Variants in SAMTOR observed in about 807,000 individuals in gnomAD.
The protein encoded by SAMTOR is UPF0532 protein C7orf60.
the SAMTOR span, among the ~76,000 whole-genome samples, chr7:112,833,147 G>A: frequency 9.9e-5 from 15 of 151,880 alleles, no homozygotes; most frequent in African/African-American, 3.6e-4. Flanking sequence ...AATTGAAGAT[G>A]AATGAATTCT....
chr7:112,926,790 C>T, the SAMTOR span, among the ~76,000 whole-genome samples: 2 of 152,086 alleles, frequency 1.3e-5, no homozygotes, highest in East Asian at 1.9e-4. Flanking sequence ...TGTGGAAATG[C>T]TATAAAAGAG....
the SAMTOR span, among the ~76,000 whole-genome samples, chr7:112,891,345 G>A: frequency 9.2e-5 from 14 of 152,094 alleles, no homozygotes; most frequent in Non-Finnish European, 1.5e-4. Context: ...ATTTTTAAAC[G>A]TAATTGCTTA....
the SAMTOR span, among the ~76,000 whole-genome samples, chr7:112,831,804 G>A: frequency 6.6e-6 from 1 of 152,288 alleles, no homozygotes; most frequent in East Asian, 1.9e-4. Flanking sequence ...GTGTTAAGTA[G>A]TTTCATCGAC....
chr7:112,845,959 T>C, the SAMTOR span, among the ~76,000 whole-genome samples: 7,259 of 152,128 alleles, frequency 0.048, 574 homozygotes, highest in African/African-American at 0.16. Flanking sequence ...AGCAAACTAC[T>C]GCAGAACAGA....
At chr7:112,898,373 T>C in the SAMTOR span, among the ~76,000 whole-genome samples, 1 of 152,088 alleles carries the variant, frequency 6.6e-6, no homozygotes, top group South Asian at 2.1e-4. Flanking sequence ...CCCCTCATTC[T>C]AGGCAGTACA....
At chr7:112,836,266 G>T in the SAMTOR span, among the ~76,000 whole-genome samples, 1 of 152,142 alleles carries the variant, frequency 6.6e-6, no homozygotes, top group Admixed American at 6.5e-5. Flanking sequence ...TCATATGCTT[G>T]TTGGACACGT....
chr7:112,832,464 G>A, the SAMTOR span: 1 of 736,384 alleles, frequency 1.4e-6, no homozygotes, highest in East Asian at 2.6e-5. Context: ...TGGGTACACA[G>A]GAAATACATT....
At chr7:112,831,620 C>G in the SAMTOR span, among the ~76,000 whole-genome samples, 1 of 152,058 alleles carries the variant, frequency 6.6e-6, no homozygotes, top group Admixed American at 6.6e-5. Flanking sequence ...CCACTGCACT[C>G]AAGCCTGGGC....
At chr7:112,830,184 TA>T in the SAMTOR span, among the ~76,000 whole-genome samples, 1 of 152,018 alleles carries the variant, frequency 6.6e-6, no homozygotes, top group African/African-American at 2.4e-5. Flanking sequence ...TATCCTAGAG[TA>T]ATTGTAGGGC....
the SAMTOR span, among the ~76,000 whole-genome samples, chr7:112,918,972 G>A: frequency 1.3e-5 from 2 of 152,140 alleles, no homozygotes; most frequent in African/African-American, 2.4e-5. Context: ...CCTACAAAGA[G>A]ACTTAGACTC....
At chr7:112,824,037 T>C in the SAMTOR span, among the ~76,000 whole-genome samples, 1 of 146,278 alleles carries the variant, frequency 6.8e-6, no homozygotes, top group African/African-American at 2.7e-5. Flanking sequence ...GTTTTAAGTA[T>C]TTTCTTTCTG....
At chr7:112,915,333 C>T in the SAMTOR span, 1 of 1,612,660 alleles carries the variant, frequency 6.2e-7, no homozygotes, top group African/African-American at 1.3e-5. Context: ...ACGACCTTCG[C>T]CCTCACAAGT....
chr7:112,922,406 C>T, the SAMTOR span, among the ~76,000 whole-genome samples: 1 of 152,182 alleles, frequency 6.6e-6, no homozygotes, highest in Non-Finnish European at 1.5e-5. Flanking sequence ...AGCGTCTCTG[C>T]CTGGCCGCCC....
At chr7:112,857,989 A>G in the SAMTOR span, among the ~76,000 whole-genome samples, 1 of 152,176 alleles carries the variant, frequency 6.6e-6, no homozygotes, top group Admixed American at 6.5e-5. Context: ...GCTGGGAAAG[A>G]GGAAGCAATG....
At chr7:112,823,111 C>A in the SAMTOR span, among the ~76,000 whole-genome samples, 1 of 152,008 alleles carries the variant, frequency 6.6e-6, no homozygotes, top group African/African-American at 2.4e-5. Context: ...AAAGATATGA[C>A]CTAATACCTT....
the SAMTOR span, among the ~76,000 whole-genome samples, chr7:112,908,544 T>C: frequency 6.6e-6 from 1 of 152,224 alleles, no homozygotes; most frequent in African/African-American, 2.4e-5. Flanking sequence ...CTATTGCTTC[T>C]GTTTCTCTGA....
At chr7:112,846,760 C>A in the SAMTOR span, among the ~76,000 whole-genome samples, 26 of 152,278 alleles carry the variant, frequency 1.7e-4, no homozygotes, top group South Asian at 5.4e-3. Context: ...CATATTCATA[C>A]ATTTTATTTT....
the SAMTOR span, among the ~76,000 whole-genome samples, chr7:112,921,131 A>G: frequency 6.6e-6 from 1 of 152,206 alleles, no homozygotes; most frequent in African/African-American, 2.4e-5. Flanking sequence ...AAGAGCCCGC[A>G]TCACCAAGTC....
chr7:112,939,308 ACCTC>A, the SAMTOR span: 1 of 493,148 alleles, frequency 2.0e-6, no homozygotes, highest in East Asian at 3.7e-5. Flanking sequence ...CGAGACAACA[ACCTC>A]AGCACCCCGG....
Sources: gnomAD v4.1 joint callset for allele counts (sites outside exome capture counted in the v4.1 genomes callset) on GRCh38, gnomAD v4.1.1 for gene constraint, MANE v1.5 for transcripts, NCBI Gene and HGNC (gene_info 2026-07-23, HGNC 2026-07-21) for gene names.